The following NSG2 variants were observed in gnomAD, a reference collection of about 807,000 sequenced individuals.
NSG2 encodes the protein neuronal vesicle trafficking-associated protein 2.
Under a neutral mutation model 16.9 loss-of-function variants are expected in NSG2, and 4 were observed. The ratio of observed to expected loss-of-function variants is 0.24; its 90% CI spans 0.12 to 0.54. The LOEUF is 0.54. Among genes scored for constraint, NSG2 ranks in the 20% least tolerant of loss-of-function variants. The pLI, the probability that NSG2 is intolerant of heterozygous loss-of-function variation, is 0.95. For synonymous variants in NSG2, 98 were observed against 88.7 expected, an observed-to-expected ratio of 1.11 and a Z score of -0.59; for missense variants, 179 against 221.1, an observed-to-expected ratio of 0.81 and a Z score of 1.21.
intron 2 of NSG2, among the ~76,000 whole-genome samples, chr5:174,048,840 C>A (rs1001011346): frequency 2.3e-4 from 35 of 152,192 alleles, no homozygotes; most frequent in Non-Finnish European, 3.1e-4. Context: ...CATTGTCTCT[C>A]ATAGTGGGCC....
intron 2 of NSG2, 32 bp from the exon 3 acceptor site, chr5:174,064,200 A>T (rs938513673): frequency 6.8e-7 from 1 of 1,463,668 alleles, no homozygotes; most frequent in South Asian, 1.3e-5. Flanking sequence ...TCAAGTCTCC[A>T]TGCATGCTAA....
At chr5:174,052,208 G>A (rs1048033153) in intron 2 of NSG2, among the ~76,000 whole-genome samples, 1 of 152,128 alleles carries the variant, frequency 6.6e-6, no homozygotes, top group Non-Finnish European at 1.5e-5. Context: ...AAGCACCCCC[G>A]ATATGGGAGT....
At chr5:174,103,393 G>A (rs773750319) in intron 3 of NSG2, among the ~76,000 whole-genome samples, 4 of 152,172 alleles carry the variant, frequency 2.6e-5, no homozygotes, top group Non-Finnish European at 5.9e-5. Flanking sequence ...CATATTCTGA[G>A]ATGAAGAAGA....
intron 3 of NSG2, among the ~76,000 whole-genome samples, chr5:174,083,114 T>G (rs563018785): frequency 1.5e-3 from 225 of 152,238 alleles, no homozygotes; most frequent in Middle Eastern, 6.8e-3. Context: ...ACTCTCTCCT[T>G]CCAGGCTGGC....
chr5:174,075,244 A>G (rs1760318278), intron 3 of NSG2, among the ~76,000 whole-genome samples: 1 of 152,138 alleles, frequency 6.6e-6, no homozygotes, highest in African/African-American at 2.4e-5. Flanking sequence ...CAGCATGATT[A>G]ATTAAGCCAC....
In NSG2 at chr5:174,054,936, T is replaced by C. The variant is rs116364323; in HGVS notation, c.129+8052T>C. Among the ~76,000 whole-genome samples the C allele has an allele frequency of 8.0e-3, 1,224 of 152,352 alleles. 6 individuals are homozygous for C. The highest frequency in any genetic ancestry group is 0.012 in the Non-Finnish European group (842 of 68,032). On this transcript the variant is annotated intron_variant, in intron 2 of 4. Transcript: ENST00000303177. ...CACTAGTATCTTTCTCTAAGGATTGTTGTAAAGATAAAATGAGGAAAATAC... is the reference window on the plus strand; with the variant it reads ...CACTAGTATCTTTCTCTAAGGATTGCTGTAAAGATAAAATGAGGAAAATAC...
In NSG2 at chr5:174,055,651, G is replaced by A. The variant is rs565672438; in HGVS notation, c.130-8581G>A. ...GTAAGTGGGGAGTTATAGATTTATTGAGGCAGATAGTTCATTTGAGACCAA... is the reference window on the plus strand; with the variant it reads ...GTAAGTGGGGAGTTATAGATTTATTAAGGCAGATAGTTCATTTGAGACCAA... On this transcript the variant is annotated intron_variant, in intron 2 of 4. Coordinates refer to ENST00000303177, the MANE Select transcript of NSG2 (RefSeq NM_015980.5). Among the ~76,000 whole-genome samples, 178 of 152,240 alleles carry A rather than the reference G, an allele frequency of 1.2e-3. 1 individual carries two copies. Among genetic ancestry groups the A allele is most frequent in the African/African-American group, 3.9e-3 (163 of 41,544 alleles).
chr5:174,051,819 C>CAT (rs1232782043), intron 2 of NSG2, among the ~76,000 whole-genome samples: 1 of 152,210 alleles, frequency 6.6e-6, no homozygotes, highest in Non-Finnish European at 1.5e-5. Context: ...AGAGATAAGA[C>CAT]ATATAGGGGA....
At chr5:174,104,133 C>A in intron 3 of NSG2, 95 bp from the exon 4 acceptor site, 1 of 847,150 alleles carries the variant, frequency 1.2e-6, no homozygotes, top group Non-Finnish European at 2.0e-6. Context: ...TTCTAGCACA[C>A]CATGCTGCCT....
chr5:174,069,275 A>G (rs1460667594), intron 3 of NSG2, among the ~76,000 whole-genome samples: 1 of 151,940 alleles, frequency 6.6e-6, no homozygotes, highest in East Asian at 1.9e-4. Context: ...GGTGCTATGG[A>G]AGATGCTGGT....
chr5:174,099,676 TGCCTCTAGAACA>T (rs1279785961), intron 3 of NSG2, among the ~76,000 whole-genome samples: 1 of 152,150 alleles, frequency 6.6e-6, no homozygotes, highest in Non-Finnish European at 1.5e-5. Flanking sequence ...AGGCCTGTGA[TGCCTCTAGAACA>T]GCCTGTGTGC....
intron 2 of NSG2, among the ~76,000 whole-genome samples, chr5:174,055,326 G>T (rs1021068671): frequency 4.6e-5 from 7 of 152,210 alleles, no homozygotes; most frequent in Admixed American, 1.3e-4. Flanking sequence ...GGGCATGGTG[G>T]CTCATGCCTG....
chr5:174,100,551 C>T (rs1278555340), intron 3 of NSG2, among the ~76,000 whole-genome samples: 1 of 152,152 alleles, frequency 6.6e-6, no homozygotes, highest in African/African-American at 2.4e-5. Context: ...ATCAGCATTT[C>T]CGAGCTCCTC....
chr5:174,082,384 T>C (rs1035751341), intron 3 of NSG2: 2 of 152,276 alleles, frequency 1.3e-5, no homozygotes, highest in African/African-American at 4.8e-5. Flanking sequence ...TGAATATTAA[T>C]GGAGCAGTAT....
intron 3 of NSG2, among the ~76,000 whole-genome samples, chr5:174,092,734 T>G (rs1483682109): frequency 1.7e-4 from 26 of 152,190 alleles, no homozygotes; most frequent in Admixed American, 1.7e-3. Context: ...ATTAGCGCAC[T>G]GATTTAGAGC....
chr5:174,053,123 G>A (rs148646371), intron 2 of NSG2, among the ~76,000 whole-genome samples: 1 of 152,318 alleles, frequency 6.6e-6, no homozygotes, highest in Non-Finnish European at 1.5e-5. Flanking sequence ...TTTACTTACT[G>A]TGTAGCTTTA....
intron 3 of NSG2, among the ~76,000 whole-genome samples, chr5:174,080,404 C>T (rs1023580196): frequency 6.6e-6 from 1 of 151,150 alleles, no homozygotes; most frequent in Non-Finnish European, 1.5e-5. Context: ...TTACTGTTTA[C>T]TTGGATTACA....
At chr5:174,051,075 C>T (rs958452413) in intron 2 of NSG2, among the ~76,000 whole-genome samples, 2 of 152,292 alleles carry the variant, frequency 1.3e-5, no homozygotes, top group Non-Finnish European at 2.9e-5. Context: ...GCCAGACCTA[C>T]CTGCAGCAGC....
chr5:174,097,471 G>A (rs191496589), intron 3 of NSG2, among the ~76,000 whole-genome samples: 14 of 151,414 alleles, frequency 9.2e-5, no homozygotes, highest in Admixed American at 9.2e-4. Flanking sequence ...CTGTGTGTGT[G>A]TATGTGTGTA....
Sources: gnomAD v4.1 joint callset for allele counts (sites outside exome capture counted in the v4.1 genomes callset) on GRCh38, gnomAD v4.1.1 for gene constraint, MANE v1.5 for transcripts, NCBI Gene and HGNC (gene_info 2026-07-23, HGNC 2026-07-21) for gene names.